The following DOCK10 variants were observed in gnomAD, a reference collection of about 807,000 sequenced individuals.
The protein encoded by DOCK10 is dedicator of cytokinesis 10.
A neutral mutation model predicts 280.1 loss-of-function variants in DOCK10; 145 were observed. That is an observed-to-expected ratio of 0.52 (90% CI 0.45 to 0.59). The LOEUF (loss-of-function observed/expected upper bound fraction) is 0.59. DOCK10 is among the 20% of genes least tolerant of loss of function. The pLI, the probability that DOCK10 is intolerant of heterozygous loss-of-function variation, is 0.00. For missense variants in DOCK10, 2,368 were observed against 2,651.7 expected (o/e 0.89, Z 2.35); for synonymous variants, 915 against 942.2 (o/e 0.97, Z 0.53).
At chr2:224,978,506 C>T (rs1422344420) in intron 1 of DOCK10, among the ~76,000 whole-genome samples, 3 of 151,962 alleles carry the variant, frequency 2.0e-5, no homozygotes, top group African/African-American at 4.8e-5. Flanking sequence ...AATTAGGAAG[C>T]GATTGCTCTG....
intron 3 of DOCK10, among the ~76,000 whole-genome samples, chr2:224,909,447 G>A (rs1294371847): frequency 6.6e-6 from 1 of 152,126 alleles, no homozygotes; most frequent in East Asian, 1.9e-4. Flanking sequence ...CCTATTTAAA[G>A]ATGGAAAAAC....
At position 224,805,769 on chromosome 2, in the gene DOCK10, A is replaced by T. The variant is rs1693361256; in HGVS notation, c.3815-240T>A. Among the ~76,000 whole-genome samples the T allele has an allele frequency of 6.6e-6, 1 of 152,150 alleles. No individual in the cohort carries two copies. The highest frequency in any genetic ancestry group is 2.4e-5 in the African/African-American group (1 of 41,446). On this transcript the variant is annotated intron_variant, in intron 34 of 55. Coordinates refer to ENST00000258390, the MANE Select transcript of DOCK10 (RefSeq NM_014689.3). The surrounding 1 kb of genome is among the most constrained non-coding windows in gnomAD (Gnocchi z 4.3). The stretch of plus-strand genomic sequence containing the variant: ...TTCAACTTTTGACTGTTTATGAGAA[A>T]CTGAAATGACATTTCCAAAACAGTT...
intron 2 of DOCK10, among the ~76,000 whole-genome samples, chr2:224,930,784 C>T (rs897942702): frequency 3.3e-5 from 5 of 152,138 alleles, no homozygotes; most frequent in African/African-American, 1.2e-4. Context: ...TCTGAGACCA[C>T]CTTTCTTTTA....
intron 1 of DOCK10, among the ~76,000 whole-genome samples, chr2:225,002,790 T>A (rs1706472866): frequency 6.6e-6 from 1 of 151,282 alleles, no homozygotes; most frequent in Admixed American, 6.6e-5. Context: ...ATGAACCACA[T>A]CAGTGTGGTC....
At chr2:224,839,805 T>C in intron 24 of DOCK10, 149 bp downstream of exon 24, 1 of 428,536 alleles carries the variant, frequency 2.3e-6, no homozygotes, top group Non-Finnish European at 4.2e-6. Flanking sequence ...GATTAGAAGG[T>C]AAGGAGTCAA....
rs543130372 is a variant in DOCK10 at position 224,822,777 on chromosome 2, G to A, written c.3183+724C>T. Among the ~76,000 whole-genome samples, 15 of 152,098 alleles carry A rather than the reference G, an allele frequency of 9.9e-5. No homozygotes were observed. In the South Asian group the frequency reaches 1.2e-3, roughly 13 times the overall value. On this transcript the variant is annotated intron_variant, in intron 28 of 55. Coordinates refer to ENST00000258390, the MANE Select transcript of DOCK10 (RefSeq NM_014689.3). ...AACAAAAATGCTAAATTCCTGAAGC[G>A]TTTCCCAAAGTGGCTATTTGGTATC...
At chr2:224,898,637 C>T (rs536108069) in intron 3 of DOCK10, among the ~76,000 whole-genome samples, 17 of 152,246 alleles carry the variant, frequency 1.1e-4, no homozygotes, top group African/African-American at 3.4e-4. Flanking sequence ...AGTGCAGTGG[C>T]GCGATCTCAG....
chr2:224,806,549 T>G (rs1224422399), intron 33 of DOCK10, among the ~76,000 whole-genome samples: 1 of 152,202 alleles, frequency 6.6e-6, no homozygotes. Context: ...ATTATTACCA[T>G]GAGTTATCTT....
chr2:225,015,270 A>C (rs1263265276), intron 1 of DOCK10, among the ~76,000 whole-genome samples: 1 of 152,192 alleles, frequency 6.6e-6, no homozygotes, highest in African/African-American at 2.4e-5. Flanking sequence ...AGTCAAAATA[A>C]ATTTCATTAC....
At chr2:224,846,618 T>G (rs1696372700) in intron 19 of DOCK10, among the ~76,000 whole-genome samples, 2 of 150,854 alleles carry the variant, frequency 1.3e-5, no homozygotes, top group Non-Finnish European at 2.9e-5. Context: ...TGCCTCAGCC[T>G]CCCGAGTAGC....
chr2:224,787,107 T>A lies in DOCK10; in HGVS notation c.5570A>T (p.His1857Leu), dbSNP rs751849720. ...CTCTGCCACTTTCAGATATGACCGA[T>A]GAATGTCGTAGTAGAGATCTGACAA... Reference protein sequence around the residue: ...KKLSDLYYDIHRSYLKVAEVV... With the variant: ...KKLSDLYYDILRSYLKVAEVV... Residue 1857 changes from histidine (H) to leucine (L), a missense_variant, in exon 50 of 56, where the codon CAT (histidine) becomes CTT (leucine). Around this residue, in one of 2 missense-constraint regions of DOCK10, gnomAD observed 1,159 missense variants for 1,400.8 expected, o/e 0.83. Coordinates refer to ENST00000258390, the MANE Select transcript of DOCK10 (RefSeq NM_014689.3). 1 of 1,613,884 alleles carries A rather than the reference T, an allele frequency of 6.2e-7. No homozygotes were observed. The highest frequency in any genetic ancestry group is 8.5e-7 in the Non-Finnish European group (1 of 1,179,860).
chr2:224,967,603 G>A (rs1412585055), intron 1 of DOCK10, among the ~76,000 whole-genome samples: 2 of 151,928 alleles, frequency 1.3e-5, no homozygotes, highest in African/African-American at 2.4e-5. Context: ...TTACCAAATC[G>A]CACCAGGAAA....
intron 1 of DOCK10, chr2:224,982,102 G>T (rs1705779283): frequency 1.2e-6 from 1 of 851,458 alleles, no homozygotes; most frequent in Non-Finnish European, 1.6e-6. Context: ...TAAACTCTAG[G>T]TCACACATGC....
At chr2:224,872,622 TGCCA>T (rs1290807917) in intron 11 of DOCK10, among the ~76,000 whole-genome samples, 1 of 152,202 alleles carries the variant, frequency 6.6e-6, no homozygotes, top group Non-Finnish European at 1.5e-5. Context: ...TAATTCTTTC[TGCCA>T]TCCACTCACT....
At chr2:224,900,426 A>G (rs1188004804) in intron 3 of DOCK10, among the ~76,000 whole-genome samples, 3 of 152,218 alleles carry the variant, frequency 2.0e-5, no homozygotes, top group Non-Finnish European at 2.9e-5. Context: ...AGAGGTTCAG[A>G]TCTTTGACCT....
Position 224,770,077 on chromosome 2 carries a change from G to A in DOCK10, c.6444+134C>T. ...CACGAGGTGGTGTGCACGGGAGAGA[G>A]AACAGATCAGCAACATGGTGCTGAT... On this transcript the variant is annotated intron_variant, in intron 55 of 55. Coordinates refer to ENST00000258390, the MANE Select transcript of DOCK10 (RefSeq NM_014689.3). This position sits in a 1 kb window ranked among gnomAD's most constrained non-coding sequence, Gnocchi z 4.5. The A allele has an allele frequency of 2.8e-6, 3 of 1,053,610 alleles. No individual in the cohort carries two copies. Among genetic ancestry groups the A allele is most frequent in the Non-Finnish European group, 3.9e-6 (3 of 776,634 alleles). 65.3% of individuals were successfully genotyped at this position (1,053,610 alleles called of 1,614,324 possible).
chr2:225,029,723 G>A (rs907342202), intron 1 of DOCK10, among the ~76,000 whole-genome samples: 4 of 152,182 alleles, frequency 2.6e-5, no homozygotes, highest in Admixed American at 2.0e-4. Context: ...AGAGACAAAT[G>A]CTTCAAATAA....
intron 7 of DOCK10, among the ~76,000 whole-genome samples, chr2:224,885,445 A>G (rs1699222463): frequency 6.6e-6 from 1 of 152,154 alleles, no homozygotes; most frequent in East Asian, 1.9e-4. Flanking sequence ...TGAAAAATTT[A>G]CCAGCTGATT....
intron 13 of DOCK10, among the ~76,000 whole-genome samples, chr2:224,864,103 A>G (rs1264157557): frequency 6.6e-6 from 1 of 152,248 alleles, no homozygotes; most frequent in Non-Finnish European, 1.5e-5. Context: ...GTAAAGCAAA[A>G]AGATAAGCTT....
Sources: gnomAD v4.1 joint callset for allele counts (sites outside exome capture counted in the v4.1 genomes callset) on GRCh38, gnomAD v4.1.1 for gene constraint, gnomAD v4.1.1 regional missense constraint, Gnocchi (gnomAD v3.1) non-coding constraint, MANE v1.5 for transcripts, NCBI Gene and HGNC (gene_info 2026-07-23, HGNC 2026-07-21) for gene names.